The following TAOK3 variants were observed in gnomAD, a reference collection of about 807,000 sequenced individuals.
The protein encoded by TAOK3 is serine/threonine-protein kinase TAO3.
In TAOK3, 40 loss-of-function variants were observed where a neutral mutation model predicts 120.4. The ratio of observed to expected loss-of-function variants is 0.33; its 90% CI spans 0.26 to 0.43. The LOEUF is 0.43. Among genes scored for constraint, TAOK3 ranks in the 20% least tolerant of loss-of-function variants. The pLI, the probability that TAOK3 is intolerant of heterozygous loss-of-function variation, is 1.00. For missense variants in TAOK3, 821 were observed against 1,112.1 expected (o/e 0.74, Z 3.72); for synonymous variants, 355 against 387.5 (o/e 0.92, Z 0.99).
chr12:118,363,530 A>G (rs548059609), intron 1 of TAOK3, among the ~76,000 whole-genome samples: 1 of 152,322 alleles, frequency 6.6e-6, no homozygotes, highest in East Asian at 1.9e-4. Context: ...GAAAAAGTAC[A>G]AATCAAGTAC....
chr12:118,245,033 T>C, intron 3 of TAOK3, 68 bp from the exon 4 acceptor site: 1 of 1,025,100 alleles, frequency 9.8e-7, no homozygotes, highest in Non-Finnish European at 1.5e-6. Flanking sequence ...ACTTAAATAT[T>C]TGACTAGAGA....
At chr12:118,291,200 A>C (rs2042465041) in intron 1 of TAOK3, among the ~76,000 whole-genome samples, 1 of 150,206 alleles carries the variant, frequency 6.7e-6, no homozygotes, top group Non-Finnish European at 1.5e-5. Flanking sequence ...CTTGTCTCCC[A>C]GGCTGGAGTG....
chr12:118,214,438 T>A (rs747948098), intron 9 of TAOK3, among the ~76,000 whole-genome samples: 34 of 152,124 alleles, frequency 2.2e-4, no homozygotes, highest in Non-Finnish European at 3.5e-4. Flanking sequence ...TGCATGTGCG[T>A]TTTAGCTCAA....
chr12:118,262,488 A>G (rs1199876640), intron 2 of TAOK3, among the ~76,000 whole-genome samples: 1 of 151,896 alleles, frequency 6.6e-6, no homozygotes, highest in Admixed American at 6.6e-5. Context: ...TCTCAAAGAG[A>G]AAGAAAAAGA....
intron 9 of TAOK3, among the ~76,000 whole-genome samples, chr12:118,222,545 G>A (rs143562061): frequency 0.12 from 17,961 of 149,344 alleles, 1,160 homozygotes; most frequent in Middle Eastern, 0.15. Context: ...AAAAAAAAAA[G>A]AAAGAAAGAA....
chr12:118,225,286 T>C (rs935966595), intron 9 of TAOK3, among the ~76,000 whole-genome samples: 4 of 143,854 alleles, frequency 2.8e-5, no homozygotes, highest in African/African-American at 1.0e-4. Flanking sequence ...CTTAAAAATA[T>C]ACTATTGGTA....
At chr12:118,333,765 A>T (rs1490887085) in intron 1 of TAOK3, among the ~76,000 whole-genome samples, 1 of 151,778 alleles carries the variant, frequency 6.6e-6, no homozygotes, top group Non-Finnish European at 1.5e-5. Context: ...GACAAAGGTA[A>T]TTTTTTTTCC....
chr12:118,208,943 C>A (rs1014147158), intron 11 of TAOK3, among the ~76,000 whole-genome samples: 1 of 152,142 alleles, frequency 6.6e-6, no homozygotes, highest in Non-Finnish European at 1.5e-5. Context: ...AACTCCTGAC[C>A]TTGTGATCTG....
chr12:118,263,636 TTAA>T (rs1261872009), intron 2 of TAOK3, among the ~76,000 whole-genome samples: 1 of 152,104 alleles, frequency 6.6e-6, no homozygotes, highest in Non-Finnish European at 1.5e-5. Context: ...TTGTCAAAAC[TTAA>T]TAATAAGAAA....
chr12:118,171,542 A>G (rs2035996066), intron 17 of TAOK3, among the ~76,000 whole-genome samples: 1 of 152,138 alleles, frequency 6.6e-6, no homozygotes, highest in Admixed American at 6.5e-5. Flanking sequence ...TTTTTAGTAG[A>G]GACGGGGTTT....
At chr12:118,328,528 A>G (rs913858696) in intron 1 of TAOK3, among the ~76,000 whole-genome samples, 1 of 152,190 alleles carries the variant, frequency 6.6e-6, no homozygotes, top group Non-Finnish European at 1.5e-5. Context: ...GGCGATGGAG[A>G]ACATAATCTT....
At chr12:118,348,431 C>T (rs897686846) in intron 1 of TAOK3, among the ~76,000 whole-genome samples, 1 of 152,010 alleles carries the variant, frequency 6.6e-6, no homozygotes, top group African/African-American at 2.4e-5. Flanking sequence ...AAGTCTGCTT[C>T]TGCCTTATTT....
chr12:118,308,656 G>A (rs35078534), intron 1 of TAOK3, among the ~76,000 whole-genome samples: 15,983 of 152,006 alleles, frequency 0.11, 1,144 homozygotes, highest in South Asian at 0.18. Context: ...TTGGCCGGGC[G>A]CGGTGGCTCA....
In TAOK3 at chr12:118,174,952, G is replaced by A. The variant is rs145107813; in HGVS notation, c.1695+2249C>T. Among the ~76,000 whole-genome samples the A allele has an allele frequency of 1.8e-3, 276 of 152,148 alleles. 1 individual carries two copies. Among genetic ancestry groups the A allele is most frequent in the African/African-American group, 6.4e-3 (264 of 41,502 alleles). ...GCTGGGATTACAGGCATGAGCCACCGTGCCCAGCCAAGGAAGGTATTTAGA... is the reference window on the plus strand; with the variant it reads ...GCTGGGATTACAGGCATGAGCCACCATGCCCAGCCAAGGAAGGTATTTAGA... On this transcript the variant is annotated intron_variant, in intron 16 of 20. Transcript: ENST00000392533.
chr12:118,195,449 A>G (rs1043845912), intron 13 of TAOK3, among the ~76,000 whole-genome samples: 2 of 152,232 alleles, frequency 1.3e-5, no homozygotes, highest in Non-Finnish European at 2.9e-5. Flanking sequence ...CAAGGAAACA[A>G]TCTGGATTAA....
At chr12:118,316,804 T>C (rs1357548548) in intron 1 of TAOK3, among the ~76,000 whole-genome samples, 1 of 152,068 alleles carries the variant, frequency 6.6e-6, no homozygotes, top group Non-Finnish European at 1.5e-5. Context: ...AGTTCCAGGG[T>C]ATAAAAATAA....
chr12:118,346,568 C>T (rs373336539), intron 1 of TAOK3, among the ~76,000 whole-genome samples: 1 of 152,124 alleles, frequency 6.6e-6, no homozygotes, highest in East Asian at 1.9e-4. Context: ...AAACAAAATA[C>T]TGTACTTGAG....
chr12:118,197,652 C>T (rs1354667264), intron 13 of TAOK3, among the ~76,000 whole-genome samples: 1 of 151,668 alleles, frequency 6.6e-6, no homozygotes, highest in Non-Finnish European at 1.5e-5. Flanking sequence ...CATGATCACT[C>T]CCTCCAAAAA....
chr12:118,228,244 T>C (rs1441635292), intron 9 of TAOK3, among the ~76,000 whole-genome samples: 1 of 151,436 alleles, frequency 6.6e-6, no homozygotes, highest in Non-Finnish European at 1.5e-5. Flanking sequence ...CTCCGCCTTC[T>C]GGGTTCAAGC....
Sources: allele counts gnomAD v4.1 joint callset (sites outside exome capture counted in the v4.1 genomes callset), GRCh38; gene constraint gnomAD v4.1.1; transcripts MANE v1.5; gene names NCBI Gene and HGNC (gene_info 2026-07-23, HGNC 2026-07-21).